The following PRPS1 variants were observed in gnomAD, a reference collection of about 807,000 sequenced individuals.
PRPS1 encodes the protein phosphoribosyl pyrophosphate synthetase 1.
A neutral mutation model predicts 16.9 loss-of-function variants in PRPS1; 1 was observed. The observed-to-expected ratio is 0.06, with a 90% confidence interval of 0.02 to 0.28. The LOEUF (loss-of-function observed/expected upper bound fraction) is 0.28, where lower values mean the gene tolerates loss of function less well. Among genes scored for constraint, PRPS1 ranks in the 10% least tolerant of loss-of-function variants. The probability of loss-of-function intolerance (pLI) is 1.00; values close to 1 mark genes in which losing one functional copy is unlikely to be tolerated. For missense variants in PRPS1, 47 were observed against 254.0 expected (o/e 0.19, Z 5.54); for synonymous variants, 70 against 90.2 (o/e 0.78, Z 1.27).
chrX:107,641,648 G>A (rs112803666), intron 3 of PRPS1, among the ~76,000 whole-genome samples: 2,672 of 111,880 alleles, frequency 0.024, 31 homozygotes, highest in Non-Finnish European at 0.037. Context: ...ATGAGCCACC[G>A]TGCCTGGCCT....
At chrX:107,649,010 C>T (rs1160439978) in intron 6 of PRPS1, among the ~76,000 whole-genome samples, 3 of 111,583 alleles carry the variant, frequency 2.7e-5, no homozygotes, top group Non-Finnish European at 5.6e-5. Flanking sequence ...CCGTCCACCT[C>T]GGCCTCCCAA....
At chrX:107,640,750 C>T in intron 2 of PRPS1, 152 bp from the exon 3 acceptor site, 1 of 568,908 alleles carries the variant, frequency 1.8e-6, no homozygotes, top group East Asian at 3.4e-5. Context: ...TTATGATCCA[C>T]TTAAAGTCAA....
In PRPS1 at chrX:107,641,305, G is replaced by A. The variant is rs59783882; in HGVS notation, c.405+305G>A. Among the ~76,000 whole-genome samples the A allele has an allele frequency of 4.4e-3, 493 of 111,725 alleles. 7 individuals are homozygous for A. In the East Asian group the frequency reaches 0.073, roughly 16 times the overall value. On this transcript the variant is annotated intron_variant, in intron 3 of 6. Transcript: ENST00000372435. ...TGAACATATACTTTTTCATTATTGT[G>A]AGTATAAAACATTAAATTCATATTA...
intron 1 of PRPS1, among the ~76,000 whole-genome samples, chrX:107,639,034 C>T (rs919275179): frequency 8.9e-6 from 1 of 112,326 alleles, no homozygotes; most frequent in African/African-American, 3.2e-5. Context: ...TGCGCCCAGC[C>T]CTGCCATATA....
chrX:107,642,576 T>A, intron 4 of PRPS1, 86 bp downstream of exon 4: 4 of 1,147,473 alleles, frequency 3.5e-6, no homozygotes, highest in Non-Finnish European at 4.8e-6. Context: ...TCTATCCAAG[T>A]GGCAGTTTTT....
intron 1 of PRPS1, among the ~76,000 whole-genome samples, chrX:107,636,883 T>C (rs766729633): frequency 8.9e-6 from 1 of 112,576 alleles, no homozygotes; most frequent in Admixed American, 9.4e-5. Flanking sequence ...CAGTAGGTAG[T>C]TCCTGAAGCC....
At chrX:107,636,923 G>C (rs1227017928) in intron 1 of PRPS1, among the ~76,000 whole-genome samples, 1 of 111,846 alleles carries the variant, frequency 8.9e-6, no homozygotes, top group Non-Finnish European at 1.9e-5. Flanking sequence ...GAGTGAGATA[G>C]AAGTATGGAT....
intron 1 of PRPS1, among the ~76,000 whole-genome samples, chrX:107,635,933 G>A (rs937052024): frequency 9.3e-6 from 1 of 107,669 alleles, no homozygotes; most frequent in Non-Finnish European, 1.9e-5. Context: ...GGTGGCGTGC[G>A]GCTGTAGTTC....
Position 107,650,505 on chromosome X carries a change from C to A in PRPS1, c.*473C>A, listed in dbSNP as rs1925805185. 1 of 285,762 alleles carries A rather than the reference C, an allele frequency of 3.5e-6. No individual in the cohort carries two copies. Among genetic ancestry groups the A allele is most frequent in the Admixed American group, 6.4e-5 (1 of 15,563 alleles). The allele number at this position is 285,762 out of a possible 1,213,427, so 23.5% of individuals were successfully genotyped here. A position where few individuals can be genotyped will look rare whatever the true frequency, so the allele number is the denominator to read the frequency against. On this transcript the variant is annotated 3_prime_UTR_variant, in exon 7 of 7. Coordinates refer to ENST00000372435, the MANE Select transcript of PRPS1 (RefSeq NM_002764.4). ...AAACCTAGTCCTGGTAGCTGAGCACCCTGTAAGGCAGGAGCAGGCAGCTCA... is the reference window on the plus strand; with the variant it reads ...AAACCTAGTCCTGGTAGCTGAGCACACTGTAAGGCAGGAGCAGGCAGCTCA...
intron 1 of PRPS1, 103 bp downstream of exon 1, chrX:107,628,853 G>A: frequency 2.7e-6 from 3 of 1,110,065 alleles, no homozygotes; most frequent in Non-Finnish European, 3.7e-6. Flanking sequence ...GGGGGTTGGG[G>A]GGAGAGGGTG....
In PRPS1 at chrX:107,628,551, G is replaced by T; in HGVS notation, c.-78G>T. The T allele has an allele frequency of 8.3e-7, 1 of 1,206,499 alleles. No homozygotes were observed. The highest frequency in any genetic ancestry group is 1.8e-5 in the South Asian group (1 of 56,761). ...GTAGCAACGCAAAGCGCTTGGTATT[G>T]AGTCTGTGGCCGACTTCGGTTCCGG... On this transcript the variant is annotated 5_prime_UTR_variant, in exon 1 of 7. Transcript: ENST00000372435.
chrX:107,639,944 G>A (rs1925534905), intron 2 of PRPS1, among the ~76,000 whole-genome samples: 1 of 112,437 alleles, frequency 8.9e-6, no homozygotes, highest in African/African-American at 3.2e-5. Flanking sequence ...TAGAGGATAA[G>A]GCATATACAT....
chrX:107,628,543 T>G lies in PRPS1; in HGVS notation c.-86T>G. ...ATGGCGGAGTAGCAACGCAAAGCGCTTGGTATTGAGTCTGTGGCCGACTTC... is the reference window on the plus strand; with the variant it reads ...ATGGCGGAGTAGCAACGCAAAGCGCGTGGTATTGAGTCTGTGGCCGACTTC... On this transcript the variant is annotated 5_prime_UTR_variant, in exon 1 of 7. Coordinates refer to ENST00000372435, the MANE Select transcript of PRPS1 (RefSeq NM_002764.4). The G allele has an allele frequency of 8.3e-7, 1 of 1,200,982 alleles. No homozygotes were observed. Among genetic ancestry groups the G allele is most frequent in the Non-Finnish European group, 1.1e-6 (1 of 887,586 alleles).
intron 3 of PRPS1, among the ~76,000 whole-genome samples, chrX:107,641,966 A>G (rs1925583208): frequency 8.9e-6 from 1 of 112,742 alleles, no homozygotes; most frequent in African/African-American, 3.2e-5. Context: ...TTTATATGCC[A>G]TAGCATCTCT....
At chrX:107,634,835 G>GTTT (rs781010422) in intron 1 of PRPS1, among the ~76,000 whole-genome samples, 1 of 87,909 alleles carries the variant, frequency 1.1e-5, no homozygotes, top group Non-Finnish European at 2.1e-5. Flanking sequence ...AAAGTTTTTT[G>GTTT]TTTTTTTTTT....
At chrX:107,632,220 T>C (rs1308095205) in intron 1 of PRPS1, among the ~76,000 whole-genome samples, 1 of 112,308 alleles carries the variant, frequency 8.9e-6, no homozygotes, top group African/African-American at 3.2e-5. Flanking sequence ...AAAACTTAGA[T>C]ATTCTAAAAT....
At chrX:107,644,612 A>C (rs1466221424) in intron 4 of PRPS1, among the ~76,000 whole-genome samples, 2 of 111,782 alleles carry the variant, frequency 1.8e-5, no homozygotes, top group Non-Finnish European at 3.8e-5. Context: ...CTCTACCCAG[A>C]ATGAATACTC....
intron 5 of PRPS1, 45 bp downstream of exon 5, chrX:107,645,395 G>A (rs752018242): frequency 1.3e-5 from 15 of 1,199,265 alleles, no homozygotes; most frequent in Non-Finnish European, 1.7e-5. Context: ...GAAAAAGCTA[G>A]CAATTGCTGT....
chrX:107,641,267 T>G (rs1023562529), intron 3 of PRPS1: 2 of 647,442 alleles, frequency 3.1e-6, no homozygotes, highest in African/African-American at 4.5e-5. Context: ...TTGGGAAGGT[T>G]ACTTAATTTC....
Sources: gnomAD v4.1 joint callset for allele counts (sites outside exome capture counted in the v4.1 genomes callset) on GRCh38, gnomAD v4.1.1 for gene constraint, MANE v1.5 for transcripts, NCBI Gene and HGNC (gene_info 2026-07-23, HGNC 2026-07-21) for gene names.